The following RBPJ variants were observed in gnomAD, a reference collection of about 807,000 sequenced individuals.
RBPJ encodes the protein recombination signal binding protein for immunoglobulin kappa J region.
A neutral mutation model predicts 67.8 loss-of-function variants in RBPJ; 9 were observed. The ratio of observed to expected loss-of-function variants is 0.13; its 90% confidence interval spans 0.08 to 0.23. The LOEUF (loss-of-function observed/expected upper bound fraction) is 0.23, where lower values mean the gene tolerates loss of function less well. RBPJ is among the 10% of genes least tolerant of loss of function. RBPJ has a pLI of 1.00. For missense variants in RBPJ, 305 were observed against 595.6 expected (o/e 0.51, Z 5.08); for synonymous variants, 198 against 203.3 (o/e 0.97, Z 0.22).
At chr4:26,340,930 G>GA (rs35445403) in intron 1 of RBPJ, among the ~76,000 whole-genome samples, 2 of 151,952 alleles carry the variant, frequency 1.3e-5, no homozygotes, top group Admixed American at 6.6e-5. Context: ...TGTCATAAAG[G>GA]AAAAAAATCA....
At chr4:26,362,064 C>CTATT (rs1373511770) in intron 1 of RBPJ, among the ~76,000 whole-genome samples, 1 of 152,188 alleles carries the variant, frequency 6.6e-6, no homozygotes, top group Admixed American at 6.5e-5. Context: ...TCTGCCTAGT[C>CTATT]TATTAATCAG....
At chr4:26,214,998 G>C (rs1362895474) in intron 1 of RBPJ, among the ~76,000 whole-genome samples, 4 of 32,090 alleles carry the variant, frequency 1.2e-4, no homozygotes, top group African/African-American at 3.3e-4. Context: ...GAGGGAGGGA[G>C]GGAAGGAAGG....
chr4:26,183,475 A>G (rs28395200), intron 1 of RBPJ, among the ~76,000 whole-genome samples: 5,615 of 152,294 alleles, frequency 0.037, 358 homozygotes, highest in African/African-American at 0.13. Flanking sequence ...GGGCTCTCCC[A>G]TGCCATTCGT....
rs201155264 is a variant in RBPJ at position 26,267,606 on chromosome 4, A to AATTTATTT, written c.-166-94827_-166-94820dup. ...TATATACATATATATGTAATTTTTA[A>AATTTATTT]ATTTATTTATTTATTTATTTTTTGA... On this transcript the variant is annotated intron_variant, in intron 1 of 4. Transcript: ENST00000512351. 6.9e-3 allele frequency among the ~76,000 whole-genome samples: 1,045 copies of AATTTATTT among 151,588 alleles called. 15 individuals are homozygous for AATTTATTT. Among genetic ancestry groups the AATTTATTT allele is most frequent in the African/African-American group, 0.024 (993 of 41,244 alleles).
rs571956783 is a variant in RBPJ at position 26,368,000 on chromosome 4, A to G, written c.21-18353A>G. ...TGCCAAAAGAGGAGGACAAAAGATA[A>G]TATGCATAATTCATCTTTTTCTGCA... On this transcript the variant is annotated intron_variant, in intron 1 of 10. Transcript: ENST00000355476. 4 of 152,370 alleles carry G rather than the reference A, an allele frequency of 2.6e-5. No individual in the cohort carries two copies. In the East Asian group the frequency reaches 7.7e-4, roughly 29 times the overall value. The allele number at this position is 152,370 out of a possible 1,614,324, so 9.4% of individuals were successfully genotyped here. A position where few individuals can be genotyped will look rare whatever the true frequency, so the allele number is the denominator to read the frequency against.
intron 1 of RBPJ, among the ~76,000 whole-genome samples, chr4:26,204,857 G>A (rs745934841): frequency 1.3e-5 from 2 of 152,232 alleles, no homozygotes; most frequent in African/African-American, 2.4e-5. Flanking sequence ...ATTACTGTTA[G>A]TGTGTGCCCT....
upstream of RBPJ, among the ~76,000 whole-genome samples, chr4:26,316,558 T>TATATATTCATGTATATATTC: frequency 6.9e-6 from 1 of 144,894 alleles, no homozygotes; most frequent in Non-Finnish European, 1.5e-5. Flanking sequence ...TATATATTCA[T>TATATATTCATGTATATATTC]ATATATACAC....
At chr4:26,165,891 A>G (rs1002851419) in intron 1 of RBPJ, among the ~76,000 whole-genome samples, 16 of 122,142 alleles carry the variant, frequency 1.3e-4, no homozygotes, top group Admixed American at 7.0e-4. Context: ...AACAGTCCCC[A>G]GAGTGTGATG....
chr4:26,366,853 T>G (rs1728684420), intron 1 of RBPJ, among the ~76,000 whole-genome samples: 1 of 152,030 alleles, frequency 6.6e-6, no homozygotes, highest in African/African-American at 2.4e-5. Context: ...AGGCCGGGCG[T>G]CGTGTTTCAC....
intron 1 of RBPJ, among the ~76,000 whole-genome samples, chr4:26,284,657 T>G (rs954423401): frequency 1.3e-5 from 2 of 151,878 alleles, no homozygotes; most frequent in African/African-American, 4.8e-5. Context: ...TTGGTGGAGA[T>G]GGGGCTTCGC....
the RBPJ span, among the ~76,000 whole-genome samples, chr4:26,120,296 G>A: frequency 5.3e-5 from 8 of 152,178 alleles, no homozygotes; most frequent in Non-Finnish European, 7.3e-5. Flanking sequence ...CCGCTGGGCA[G>A]GCTTTTCAAC....
At chr4:26,319,753 C>T (rs1490275217), upstream of RBPJ, 2 of 982,416 alleles carry the variant, frequency 2.0e-6, no homozygotes, top group Non-Finnish European at 3.3e-6. Flanking sequence ...CGCGCCAATC[C>T]TGCAGCGCCT....
intron 1 of RBPJ, among the ~76,000 whole-genome samples, chr4:26,221,428 G>GAA (rs1718907008): frequency 1.3e-5 from 2 of 152,052 alleles, no homozygotes; most frequent in African/African-American, 4.8e-5. Context: ...TAGTTTGCTG[G>GAA]GTCCATTTCT....
At chr4:26,195,618 G>A (rs1282644765) in intron 1 of RBPJ, among the ~76,000 whole-genome samples, 4 of 151,708 alleles carry the variant, frequency 2.6e-5, no homozygotes, top group South Asian at 2.1e-4. Context: ...TTTTTGAGAC[G>A]GAGTCTCACT....
chr4:26,310,913 G>A (rs970313801), intron 1 of RBPJ, among the ~76,000 whole-genome samples: 9 of 152,086 alleles, frequency 5.9e-5, no homozygotes, highest in Non-Finnish European at 1.3e-4. Flanking sequence ...CACGTGATCC[G>A]CCCGCCTCAG....
chr4:26,221,478 A>G (rs1423343616), intron 1 of RBPJ, among the ~76,000 whole-genome samples: 2 of 151,934 alleles, frequency 1.3e-5, no homozygotes, highest in Non-Finnish European at 2.9e-5. Context: ...TAAGGGACCA[A>G]CAGAGATAAC....
chr4:26,434,676 T>C lies in RBPJ; in HGVS notation c.*3669T>C, dbSNP rs1177159496. ...TACTGTGTTGGTCCAGATGTAGGTT[T>C]ATATGCTCATTTTTAGCTTATTTCT... is the stretch of plus-strand genomic sequence containing the variant. On this transcript the variant is annotated 3_prime_UTR_variant, in exon 11 of 11. Transcript: ENST00000355476. 2.0e-5 allele frequency: 3 copies of C among 152,270 alleles called. No individual in the cohort carries two copies. The East Asian group carries it at 5.8e-4, about 29-fold the overall frequency. The allele number at this position is 152,270 out of a possible 1,614,324, so 9.4% of individuals were successfully genotyped here.
At chr4:26,331,031 G>T (rs1475133566) in intron 1 of RBPJ, among the ~76,000 whole-genome samples, 1 of 152,180 alleles carries the variant, frequency 6.6e-6, no homozygotes, top group Non-Finnish European at 1.5e-5. Context: ...ACACAGACAG[G>T]TTAGATAATG....
chr4:26,179,620 C>T (rs577067843), intron 1 of RBPJ, among the ~76,000 whole-genome samples: 44 of 152,118 alleles, frequency 2.9e-4, no homozygotes, highest in African/African-American at 8.9e-4. Flanking sequence ...AATGAGTTAC[C>T]GTCTCATACC....
Sources: allele counts gnomAD v4.1 joint callset (sites outside exome capture counted in the v4.1 genomes callset), GRCh38; gene constraint gnomAD v4.1.1; transcripts MANE v1.5; gene names NCBI Gene and HGNC (gene_info 2026-07-23, HGNC 2026-07-21).